The following MYO7A variants were observed in gnomAD, a reference collection of about 807,000 sequenced individuals.
MYO7A encodes unconventional myosin-VIIa.
A neutral mutation model predicts 263.8 loss-of-function variants in MYO7A; 210 were observed. The ratio of observed to expected loss-of-function variants is 0.80; its 90% CI spans 0.71 to 0.89. The LOEUF is 0.89. Among genes scored for constraint, MYO7A ranks in the 40% least tolerant of loss-of-function variants. MYO7A has a pLI of 0.00. For synonymous variants in MYO7A, 1,239 were observed against 1,197.3 expected (o/e 1.03, Z -0.72); for missense variants, 2,820 against 2,968.3 (o/e 0.95, Z 1.16).
At chr11:77,189,319 C>A in intron 27 of MYO7A, 25 bp from the exon 28 acceptor site, 1 of 1,611,944 alleles carries the variant, frequency 6.2e-7, no homozygotes, top group Non-Finnish European at 8.5e-7. Context: ...GTGATTCCCC[C>A]TCCCTTGCCC....
chr11:77,182,066 C>G lies in MYO7A; in HGVS notation c.3020C>G (p.Thr1007Ser). Reference sequence around the variant, plus strand: ...TATAAATTTGCCAAGTTCGCGGCCACCTACTTCCAGGGGACAACCACGCAC... The same window carrying G: ...TATAAATTTGCCAAGTTCGCGGCCAGCTACTTCCAGGGGACAACCACGCAC... ...SEYKFAKFAATYFQGTTTHSY... is the reference protein window; with the variant it reads ...SEYKFAKFAASYFQGTTTHSY... The change falls in exon 24 of 49, where the codon ACC becomes AGC. Residue 1007 changes from threonine to serine, a missense_variant. Thr to Ser is a moderately conservative substitution (Grantham distance 58). Transcript: ENST00000409709. The G allele has an allele frequency of 6.2e-7, 1 of 1,613,486 alleles. No individual in the cohort carries two copies.
intron 44 of MYO7A, among the ~76,000 whole-genome samples, chr11:77,209,619 C>T (rs1209789446): frequency 6.6e-6 from 1 of 151,884 alleles, no homozygotes; most frequent in African/African-American, 2.4e-5. Context: ...TCCTCCTGTC[C>T]CACGTCCCAA....
At chr11:77,203,957 C>G in intron 38 of MYO7A, 119 bp from the exon 39 acceptor site, 1 of 1,149,192 alleles carries the variant, frequency 8.7e-7, no homozygotes, top group Non-Finnish European at 1.2e-6. Context: ...TGTGAGTGTG[C>G]AGCCTGAGGG....
intron 10 of MYO7A, 36 bp from the exon 11 acceptor site, chr11:77,160,127 C>CTGGCAGGT (rs1555067365): frequency 1.3e-6 from 2 of 1,540,880 alleles, no homozygotes; most frequent in Admixed American, 4.0e-5. Context: ...GAGGGGCAGG[C>CTGGCAGGT]TGGCAGGTGA....
intron 11 of MYO7A, 84 bp downstream of exon 11, chr11:77,160,366 G>A (rs1167808373): frequency 6.7e-6 from 10 of 1,491,328 alleles, no homozygotes; most frequent in Non-Finnish European, 8.1e-6. Flanking sequence ...GGAGTCCTGG[G>A]AGGTGGGTAG....
At position 77,179,259 on chromosome 11, in the gene MYO7A, C is replaced by T. The variant is rs1954948467; in HGVS notation, c.2367+130C>T. Reference sequence around the variant, plus strand: ...GTTGGCCTCCTGCCACTGCCCTGGCCAGCCACTACCATTCCTCCAGACCGA... The same window carrying T: ...GTTGGCCTCCTGCCACTGCCCTGGCTAGCCACTACCATTCCTCCAGACCGA... On this transcript the variant is annotated intron_variant, in intron 20 of 48. Coordinates refer to ENST00000409709, the MANE Select transcript of MYO7A (RefSeq NM_000260.4). 4.2e-6 allele frequency: 3 copies of T among 722,412 alleles called. No individual in the cohort carries two copies. The South Asian group carries it at 5.6e-5, about 14-fold the overall frequency. The allele number at this position is 722,412 out of a possible 1,614,324, so 44.8% of individuals were successfully genotyped here.
At chr11:77,153,371 C>G (rs1952150393) in intron 4 of MYO7A, among the ~76,000 whole-genome samples, 1 of 152,028 alleles carries the variant, frequency 6.6e-6, no homozygotes, top group Admixed American at 6.5e-5. Flanking sequence ...GAGCTCTGGT[C>G]TGGATGTGCT....
chr11:77,174,611 A>G lies in MYO7A; in HGVS notation c.1936-145A>G. 8 of 772,324 alleles carry G rather than the reference A, an allele frequency of 1.0e-5. 1 individual carries two copies. In the South Asian group the frequency reaches 1.4e-4, roughly 14 times the overall value. 47.8% of individuals were successfully genotyped at this position (772,324 alleles called of 1,614,324 possible). A position where few individuals can be genotyped will look rare whatever the true frequency, so the allele number is the denominator to read the frequency against. On this transcript the variant is annotated intron_variant, in intron 16 of 48. Transcript: ENST00000409709. ...GCTCTTTTGTGGATTTGAGCTGCAG[A>G]TCCCGGTGCCTGTCCCAGCTTTGCT...
At position 77,172,746 on chromosome 11, in the gene MYO7A, A is replaced by C. The variant is rs894309052; in HGVS notation, c.1798-2A>C. 4.5e-6 allele frequency: 7 copies of C among 1,555,114 alleles called. No individual in the cohort carries two copies. Among genetic ancestry groups the C allele is most frequent in the Non-Finnish European group, 6.1e-6 (7 of 1,150,384 alleles). On this transcript the variant is annotated splice_acceptor_variant, in intron 15 of 48. Coordinates refer to ENST00000409709, the MANE Select transcript of MYO7A (RefSeq NM_000260.4). LOFTEE classifies it high-confidence loss of function. ...TCCCATCGCTGCCGTCCGTCCCCCCAGGGCGCCGAGACCAGGAAGCGCTCG... is the reference window on the plus strand; with the variant it reads ...TCCCATCGCTGCCGTCCGTCCCCCCCGGGCGCCGAGACCAGGAAGCGCTCG...
chr11:77,142,445 CTTG>C, intron 2 of MYO7A: 1 of 521,282 alleles, frequency 1.9e-6, no homozygotes, highest in Non-Finnish European at 3.7e-6. Flanking sequence ...TTTGAGAGGC[CTTG>C]GCTCTCTCTG....
At chr11:77,131,285 T>C (rs1778472234) in intron 2 of MYO7A, among the ~76,000 whole-genome samples, 1 of 152,140 alleles carries the variant, frequency 6.6e-6, no homozygotes, top group South Asian at 2.1e-4. Flanking sequence ...GTAGGGCTTG[T>C]GGGGCTGTGC....
chr11:77,163,452 G>C (rs1953215885), intron 14 of MYO7A, among the ~76,000 whole-genome samples: 1 of 152,196 alleles, frequency 6.6e-6, no homozygotes, highest in South Asian at 2.1e-4. Flanking sequence ...AGATGGTCCA[G>C]CCTACTACAT....
intron 21 of MYO7A, among the ~76,000 whole-genome samples, 166 bp from the exon 22 acceptor site, chr11:77,180,208 G>A (rs1291465107): frequency 6.6e-6 from 1 of 152,230 alleles, no homozygotes; most frequent in African/African-American, 2.4e-5. Context: ...GATCAGTGGT[G>A]CCTCCAGCCC....
At position 77,161,041 on chromosome 11, in the gene MYO7A, C is replaced by T. The variant is rs1555068394; in HGVS notation, c.1269C>T (p.Ser423=). 1 of 1,613,862 alleles carries T rather than the reference C, an allele frequency of 6.2e-7. No homozygotes were observed. Among genetic ancestry groups the T allele is most frequent in the South Asian group, 1.1e-5 (1 of 91,022 alleles). Residue 423 remains serine, a synonymous_variant, in exon 12 of 49, where the codon TCC becomes TCT. Coordinates refer to ENST00000409709, the MANE Select transcript of MYO7A (RefSeq NM_000260.4). ...KINAAIYKPP[S]QDVKNSRRSI... ...ACGCAGCAATTTACAAGCCTCCCTCCCAGGATGTGAAGAACTCTCGCAGGT... is the reference window on the plus strand; with the variant it reads ...ACGCAGCAATTTACAAGCCTCCCTCTCAGGATGTGAAGAACTCTCGCAGGT...
At chr11:77,155,261 C>T (rs1405281280) in intron 4 of MYO7A, among the ~76,000 whole-genome samples, 1 of 152,144 alleles carries the variant, frequency 6.6e-6, no homozygotes, top group East Asian at 1.9e-4. Flanking sequence ...AGTAGAGAAC[C>T]TCCTTAAGGC....
intron 3 of MYO7A, among the ~76,000 whole-genome samples, chr11:77,144,029 A>C (rs1016045564): frequency 6.6e-6 from 1 of 152,138 alleles, no homozygotes; most frequent in Non-Finnish European, 1.5e-5. Context: ...CCATGAGGAA[A>C]CTGAGGCACA....
chr11:77,170,211 G>T (rs1555075149), intron 15 of MYO7A, among the ~76,000 whole-genome samples: 1 of 152,198 alleles, frequency 6.6e-6, no homozygotes, highest in East Asian at 1.9e-4. Flanking sequence ...TGTGGTGGGT[G>T]CGGTCAGGAA....
chr11:77,184,904 G>T, intron 27 of MYO7A, 189 bp downstream of exon 27: 1 of 1,009,278 alleles, frequency 9.9e-7, no homozygotes, highest in Non-Finnish European at 1.5e-6. Context: ...GTCTGTAAAG[G>T]GGGAATCCTA....
chr11:77,142,394 T>C (rs1951266387), intron 2 of MYO7A, among the ~76,000 whole-genome samples: 1 of 152,198 alleles, frequency 6.6e-6, no homozygotes. Flanking sequence ...AGTGAATCTG[T>C]CATACACATG....
Sources: allele counts gnomAD v4.1 joint callset (sites outside exome capture counted in the v4.1 genomes callset), GRCh38; gene constraint gnomAD v4.1.1; transcripts MANE v1.5; gene names NCBI Gene and HGNC (gene_info 2026-07-23, HGNC 2026-07-21).